The following AP3B1 variants were observed in gnomAD, a reference collection of about 807,000 sequenced individuals.
AP3B1 encodes adaptor related protein complex 3 subunit beta 1.
AP3B1 carries 61 observed loss-of-function variants against 132.5 expected under a neutral mutation model. That is an observed-to-expected ratio of 0.46 (90% CI 0.37 to 0.57). The LOEUF (loss-of-function observed/expected upper bound fraction) is 0.57. Ranked by LOEUF, AP3B1 falls within the 20% of genes least tolerant of loss-of-function variation. The pLI, the probability that AP3B1 is intolerant of heterozygous loss-of-function variation, is 0.00. For synonymous variants in AP3B1, 388 were observed against 438.3 expected, an observed-to-expected ratio of 0.89 and a Z score of 1.43; for missense variants, 1,120 against 1,289.4, an observed-to-expected ratio of 0.87 and a Z score of 2.01.
chr5:78,171,832 T>A (rs1320656569), intron 11 of AP3B1, among the ~76,000 whole-genome samples: 2 of 152,168 alleles, frequency 1.3e-5, no homozygotes, highest in African/African-American at 4.8e-5. Flanking sequence ...TCAAAGGGAA[T>A]GTTTCCAGTT....
chr5:78,096,064 G>T lies in AP3B1; in HGVS notation c.2470+4889C>A, dbSNP rs995379698. 5.2e-4 allele frequency among the ~76,000 whole-genome samples: 79 copies of T among 152,252 alleles called. 2 individuals carry two copies. The highest frequency in any genetic ancestry group is 1.9e-3 in the African/African-American group (78 of 41,538). On this transcript the variant is annotated intron_variant, in intron 21 of 26. Transcript: ENST00000255194. ...CACGGTCTCCCTCTGATGCCGAGCTGAAGCTGGACTGTACTGCTGCCATCT... is the reference window on the plus strand; with the variant it reads ...CACGGTCTCCCTCTGATGCCGAGCTTAAGCTGGACTGTACTGCTGCCATCT...
intron 22 of AP3B1, among the ~76,000 whole-genome samples, chr5:78,047,807 C>T (rs1748406664): frequency 6.6e-6 from 1 of 152,190 alleles, no homozygotes; most frequent in South Asian, 2.1e-4. Flanking sequence ...TTGTCTCTGA[C>T]CAGGAGTCTT....
chr5:78,283,711 C>T (rs1402201225), intron 1 of AP3B1, among the ~76,000 whole-genome samples: 3 of 152,198 alleles, frequency 2.0e-5, no homozygotes, highest in African/African-American at 7.2e-5. Context: ...CGGACCTCAA[C>T]ACTTACCCTC....
At chr5:78,261,516 A>T (rs546099313) in intron 2 of AP3B1, among the ~76,000 whole-genome samples, 1 of 152,320 alleles carries the variant, frequency 6.6e-6, no homozygotes, top group East Asian at 1.9e-4. Context: ...CCCAGGCTGC[A>T]GTGCAATGGC....
chr5:78,257,175 A>G (rs145303763), intron 2 of AP3B1, among the ~76,000 whole-genome samples: 2,818 of 152,302 alleles, frequency 0.019, 97 homozygotes, highest in African/African-American at 0.065. Context: ...AGCTAGAGCA[A>G]TCAGACAAGA....
intron 21 of AP3B1, 46 bp downstream of exon 21, chr5:78,100,907 T>C: frequency 8.6e-7 from 1 of 1,166,638 alleles, no homozygotes; most frequent in Non-Finnish European, 1.2e-6. Context: ...AAATAAAAAA[T>C]ACTCTTACTA....
At chr5:78,015,818 A>G in intron 25 of AP3B1, 1 of 397,392 alleles carries the variant, frequency 2.5e-6, no homozygotes, top group Non-Finnish European at 4.6e-6. Context: ...ACTTAGAATC[A>G]CACATATGAA....
chr5:78,225,489 C>T, intron 6 of AP3B1, 53 bp downstream of exon 6: 1 of 959,168 alleles, frequency 1.0e-6, no homozygotes, highest in Non-Finnish European at 1.6e-6. Flanking sequence ...GTAAATGATA[C>T]TATGTAAATA....
At chr5:78,167,960 A>G (rs1226225869) in intron 11 of AP3B1, among the ~76,000 whole-genome samples, 1 of 150,376 alleles carries the variant, frequency 6.6e-6, no homozygotes, top group Non-Finnish European at 1.5e-5. Context: ...AGAAATCACC[A>G]CTAAAGAACT....
intron 2 of AP3B1, among the ~76,000 whole-genome samples, chr5:78,245,366 C>A (rs1002680558): frequency 6.6e-6 from 1 of 152,186 alleles, no homozygotes; most frequent in Non-Finnish European, 1.5e-5. Context: ...GGAGCCTGCA[C>A]GCCTGTTCAC....
intron 17 of AP3B1, among the ~76,000 whole-genome samples, chr5:78,123,923 C>T (rs1247960239): frequency 2.6e-5 from 4 of 152,064 alleles, no homozygotes. Context: ...GCACTATTCA[C>T]AATAGCAAAG....
chr5:78,104,761 A>T (rs1490638592), intron 20 of AP3B1, among the ~76,000 whole-genome samples: 2 of 152,152 alleles, frequency 1.3e-5, no homozygotes, highest in Non-Finnish European at 2.9e-5. Context: ...GCAAATCTTA[A>T]CATTTACTGA....
chr5:78,074,774 C>T (rs932151657), intron 22 of AP3B1, among the ~76,000 whole-genome samples: 4 of 152,160 alleles, frequency 2.6e-5, no homozygotes, highest in African/African-American at 9.7e-5. Context: ...CATGGAGAAA[C>T]CCCATCTCTA....
At chr5:78,130,911 A>G (rs2112304534) in intron 15 of AP3B1, among the ~76,000 whole-genome samples, 1 of 152,112 alleles carries the variant, frequency 6.6e-6, no homozygotes, top group South Asian at 2.1e-4. Flanking sequence ...TATATTTCTT[A>G]GCCCAAAATT....
chr5:78,119,345 A>G (rs955080118), intron 17 of AP3B1, among the ~76,000 whole-genome samples: 12 of 152,236 alleles, frequency 7.9e-5, no homozygotes, highest in Admixed American at 2.0e-4. Context: ...ACGGAGAATG[A>G]CGTTGACGAG....
intron 17 of AP3B1, among the ~76,000 whole-genome samples, chr5:78,123,948 C>T (rs1752346981): frequency 1.3e-5 from 2 of 152,298 alleles, no homozygotes; most frequent in South Asian, 2.1e-4. Context: ...GGAACCAACA[C>T]AAATGTCCAA....
At chr5:78,284,866 TAC>T (rs1260588925) in intron 1 of AP3B1, among the ~76,000 whole-genome samples, 1 of 152,186 alleles carries the variant, frequency 6.6e-6, no homozygotes, top group African/African-American at 2.4e-5. Flanking sequence ...AACAAGATAA[TAC>T]AGTTTCTCCT....
At chr5:78,208,012 G>A (rs1745580646) in intron 7 of AP3B1, among the ~76,000 whole-genome samples, 1 of 152,160 alleles carries the variant, frequency 6.6e-6, no homozygotes, top group Non-Finnish European at 1.5e-5. Context: ...CCACTCTTAA[G>A]AAAACATTGG....
At chr5:78,051,301 G>C (rs1296930870) in intron 22 of AP3B1, among the ~76,000 whole-genome samples, 1 of 152,128 alleles carries the variant, frequency 6.6e-6, no homozygotes, top group African/African-American at 2.4e-5. Context: ...AGTAACTGAA[G>C]AGTGTAAAAT....
Sources: gnomAD v4.1 joint callset for allele counts (sites outside exome capture counted in the v4.1 genomes callset) on GRCh38, gnomAD v4.1.1 for gene constraint, MANE v1.5 for transcripts, NCBI Gene and HGNC (gene_info 2026-07-23, HGNC 2026-07-21) for gene names.